PLA2G7: variants seen among roughly 807,000 people sequenced by gnomAD.
PLA2G7 encodes phospholipase A2 group VII, also known as platelet-activating factor acetylhydrolase.
In PLA2G7, 63 loss-of-function variants were observed where a neutral mutation model predicts 49.6. That is an observed-to-expected ratio of 1.27 (90% CI 1.04 to 1.57). The LOEUF is 1.57. Among genes scored for constraint, PLA2G7 ranks in the 40% most tolerant of loss-of-function variants. The pLI, the probability that PLA2G7 is intolerant of heterozygous loss-of-function variation, is 0.00. For missense variants in PLA2G7, 596 were observed against 521.2 expected, an observed-to-expected ratio of 1.14 and a Z score of -1.40; for synonymous variants, 193 against 169.9, an observed-to-expected ratio of 1.14 and a Z score of -1.06.
At chr6:46,705,852 T>G in intron 10 of PLA2G7, among the ~76,000 whole-genome samples, 1 of 152,236 alleles carries the variant, frequency 6.6e-6, no homozygotes, top group East Asian at 1.9e-4. Context: ...AGAATGGCCT[T>G]TTTTAAGTCC....
rs772843893 is a variant in PLA2G7, at chr6:46,722,829, AG to A, written c.62del (p.Pro21LeufsTer7). On this transcript the variant is annotated frameshift_variant, in exon 2 of 12. Coordinates refer to ENST00000274793, the MANE Select transcript of PLA2G7 (RefSeq NM_005084.4). LOFTEE classifies it high-confidence loss of function. ...CAGGATTTATGTATTGCCAGTCAAA[AG>A]GATAAACCACAGCCAGGCAGCCGCA... ...CLCGCLAVVYPFDWQYINPVA... is the reference protein window; with the variant it reads ...CLCGCLAVVYXFDWQYINPVA... 1.2e-6 allele frequency: 2 copies of A among 1,613,874 alleles called. No individual in the cohort carries two copies. The highest frequency in any genetic ancestry group is 2.7e-5 in the African/African-American group (2 of 75,060).
chr6:46,734,429 A>T (rs1191672393), intron 1 of PLA2G7, among the ~76,000 whole-genome samples: 498 of 2,598 alleles, frequency 0.19, 64 homozygotes, highest in South Asian at 0.4. Flanking sequence ...AGAGAGAGAG[A>T]GAGAGAGAGA....
At chr6:46,730,174 C>G (rs1190783524) in intron 1 of PLA2G7, among the ~76,000 whole-genome samples, 1 of 152,192 alleles carries the variant, frequency 6.6e-6, no homozygotes, top group African/African-American at 2.4e-5. Context: ...AACAAGGCAG[C>G]AAGTCACATG....
intron 1 of PLA2G7, among the ~76,000 whole-genome samples, chr6:46,725,236 A>AT (rs113442644): frequency 2.9e-4 from 43 of 148,902 alleles, no homozygotes; most frequent in East Asian, 1.6e-3. Flanking sequence ...GGAGCTCTAA[A>AT]TTTTTTTTTT....
At position 46,704,470 on chromosome 6, in the gene PLA2G7, TCTCTCTCTCACACA is replaced by T. The variant is rs200460417; in HGVS notation, c.*76_*89del. The T allele has an allele frequency of 0.078, 21,196 of 273,206 alleles. 241 individuals carry two copies. Among genetic ancestry groups the T allele is most frequent in the Non-Finnish European group, 0.1 (13,789 of 136,128 alleles). The allele number at this position is 273,206 out of a possible 1,614,324, so 16.9% of individuals were successfully genotyped here. On this transcript the variant is annotated 3_prime_UTR_variant, in exon 12 of 12. Transcript: ENST00000274793. ...CTCTCTCTCTCTCTCTCTCTCTCTC[TCTCTCTCTCACACA>T]CACACACACACACACACACACACAC...
chr6:46,713,404 G>T (rs776042625), intron 5 of PLA2G7, among the ~76,000 whole-genome samples: 1 of 152,190 alleles, frequency 6.6e-6, no homozygotes, highest in Non-Finnish European at 1.5e-5. Context: ...ACTGAACTCT[G>T]CTGTTGTAGG....
At chr6:46,723,225 A>G (rs920789548) in intron 1 of PLA2G7, among the ~76,000 whole-genome samples, 11 of 152,202 alleles carry the variant, frequency 7.2e-5, no homozygotes, top group Non-Finnish European at 1.2e-4. Context: ...CAGCTATAAA[A>G]ATAGCCAACA....
chr6:46,715,738 C>T (rs979619036), intron 4 of PLA2G7, among the ~76,000 whole-genome samples: 6 of 152,080 alleles, frequency 3.9e-5, no homozygotes, highest in Non-Finnish European at 8.8e-5. Flanking sequence ...AAATTAAAAG[C>T]CGATGTTTAA....
Position 46,705,177 on chromosome 6 carries a change from A to C in PLA2G7, c.1165T>G (p.Leu389Val), listed in dbSNP as rs1764768196. 2 of 1,609,414 alleles carry C rather than the reference A, an allele frequency of 1.2e-6. No homozygotes were observed. Among genetic ancestry groups the C allele is most frequent in the South Asian group, 2.2e-5 (2 of 90,992 alleles). ...CCTAAATGCTTTTGTAAGAATGCTA[A>C]TGAAGCTTTGTTGCTAAGATCAATA... is the stretch of plus-strand genomic sequence containing the variant. ...VAIDLSNKASLAFLQKHLGLH... is the reference protein window; with the variant it reads ...VAIDLSNKASVAFLQKHLGLH... Residue 389 changes from leucine to valine, a missense_variant, in exon 11 of 12, where the codon TTA (leucine) becomes GTA (valine). Transcript: ENST00000274793.
intron 2 of PLA2G7, among the ~76,000 whole-genome samples, chr6:46,719,988 T>G (rs1401816221): frequency 6.6e-6 from 1 of 152,202 alleles, no homozygotes; most frequent in Non-Finnish European, 1.5e-5. Flanking sequence ...TCTTCTTCCA[T>G]TAAAAGAGTA....
intron 10 of PLA2G7, among the ~76,000 whole-genome samples, 165 bp from the exon 11 acceptor site, chr6:46,705,466 G>A (rs1015590506): frequency 6.6e-6 from 1 of 152,188 alleles, no homozygotes; most frequent in Admixed American, 6.5e-5. Flanking sequence ...AGGGTCACAG[G>A]CTGTTTGTTT....
intron 1 of PLA2G7, among the ~76,000 whole-genome samples, chr6:46,732,004 A>G (rs1765748878): frequency 6.6e-6 from 1 of 152,130 alleles, no homozygotes. Flanking sequence ...TCATCTCTTT[A>G]TAAAGTAAAT....
At chr6:46,725,587 T>A (rs1414832086) in intron 1 of PLA2G7, among the ~76,000 whole-genome samples, 1 of 152,010 alleles carries the variant, frequency 6.6e-6, no homozygotes, top group Non-Finnish European at 1.5e-5. Context: ...ATCTTTCTTT[T>A]GATCAGAAAA....
intron 1 of PLA2G7, 51 bp downstream of exon 1, chr6:46,735,129 C>G (rs1582595909): frequency 6.6e-6 from 1 of 151,602 alleles, no homozygotes; most frequent in Non-Finnish European, 1.5e-5. Flanking sequence ...TCCAGCGCGG[C>G]GACCGTGCCC....
intron 2 of PLA2G7, among the ~76,000 whole-genome samples, chr6:46,720,696 T>G (rs977245971): frequency 4.6e-5 from 7 of 152,206 alleles, no homozygotes; most frequent in Non-Finnish European, 5.9e-5. Flanking sequence ...TTTATAAATG[T>G]CTCTTCTTAG....
intron 5 of PLA2G7, 118 bp downstream of exon 5, chr6:46,714,342 A>C (rs1362931): frequency 0.82 from 637,741 of 776,726 alleles, 262,576 homozygotes; most frequent in African/African-American, 0.89. Flanking sequence ...TATTGAGGAA[A>C]CCCAACTCCT....
chr6:46,732,934 TCAA>T (rs1167009278), intron 1 of PLA2G7, among the ~76,000 whole-genome samples: 2 of 152,200 alleles, frequency 1.3e-5, no homozygotes, highest in Non-Finnish European at 2.9e-5. Flanking sequence ...TGGAAATTTC[TCAA>T]CATCTTGAGA....
chr6:46,705,307 A>C lies in PLA2G7; in HGVS notation c.1041-6T>G. On this transcript the variant is annotated splice_polypyrimidine_tract_variant and splice_region_variant and intron_variant, in intron 10 of 11. Transcript: ENST00000274793. Reference sequence around the variant, plus strand: ...AATTCTGGTGGACTGAACCCCTAAAAGAGAACAAGACATTTAAAAGTCACA... The same window carrying C: ...AATTCTGGTGGACTGAACCCCTAAACGAGAACAAGACATTTAAAAGTCACA... 2 of 1,609,186 alleles carry C rather than the reference A, an allele frequency of 1.2e-6. No homozygotes were observed. Among genetic ancestry groups the C allele is most frequent in the South Asian group, 2.2e-5 (2 of 90,958 alleles).
intron 1 of PLA2G7, among the ~76,000 whole-genome samples, chr6:46,732,912 G>T (rs564913260): frequency 6.6e-6 from 1 of 152,204 alleles, no homozygotes; most frequent in African/African-American, 2.4e-5. Flanking sequence ...TCTCTTCAAT[G>T]CTTTTATTTT....
Sources: allele counts gnomAD v4.1 joint callset (sites outside exome capture counted in the v4.1 genomes callset), GRCh38; gene constraint gnomAD v4.1.1; transcripts MANE v1.5; gene names NCBI Gene and HGNC (gene_info 2026-07-23, HGNC 2026-07-21).